Variants in WASF2 observed in about 807,000 individuals in gnomAD.
WASF2 encodes the protein actin-binding protein WASF2.
WASF2 carries 14 observed loss-of-function variants against 45.0 expected under a neutral mutation model. The observed-to-expected ratio is 0.31, with a 90% CI of 0.21 to 0.49. WASF2 has a LOEUF of 0.49. WASF2 is among the 20% of genes least tolerant of loss of function. The pLI, the probability that WASF2 is intolerant of heterozygous loss-of-function variation, is 0.99. For synonymous variants in WASF2, 200 were observed against 236.3 expected (o/e 0.85, Z 1.41); for missense variants, 439 against 636.1 (o/e 0.69, Z 3.33).
At chr1:27,485,819 C>T (rs546300031) in intron 1 of WASF2, among the ~76,000 whole-genome samples, 3 of 152,340 alleles carry the variant, frequency 2.0e-5, no homozygotes, top group African/African-American at 4.8e-5. Flanking sequence ...TCAAGCGATT[C>T]TCCTGCTTCA....
intron 1 of WASF2, 138 bp from the exon 2 acceptor site, chr1:27,429,071 C>CTT: frequency 1.4e-6 from 1 of 728,792 alleles, no homozygotes; most frequent in South Asian, 2.1e-5. Context: ...TTCTCCCTAT[C>CTT]TTTTTTTTTC....
At chr1:27,475,491 T>G (rs1345648608) in intron 1 of WASF2, among the ~76,000 whole-genome samples, 1 of 152,256 alleles carries the variant, frequency 6.6e-6, no homozygotes, top group African/African-American at 2.4e-5. Context: ...ATTTTCATTC[T>G]TCACTTTCAG....
At chr1:27,468,123 G>A (rs2148135691) in intron 1 of WASF2, among the ~76,000 whole-genome samples, 1 of 152,022 alleles carries the variant, frequency 6.6e-6, no homozygotes, top group Non-Finnish European at 1.5e-5. Flanking sequence ...AGTATAGATG[G>A]GGTTTTACCA....
chr1:27,464,949 G>A (rs2017594958), intron 1 of WASF2, among the ~76,000 whole-genome samples: 1 of 152,170 alleles, frequency 6.6e-6, no homozygotes, highest in Non-Finnish European at 1.5e-5. Flanking sequence ...GGCTGGTCTT[G>A]AACTCCTGAC....
intron 8 of WASF2, 66 bp from the exon 9 acceptor site, chr1:27,408,412 G>C: frequency 6.3e-7 from 1 of 1,591,046 alleles, no homozygotes; most frequent in Non-Finnish European, 8.6e-7. Flanking sequence ...TCTGGAACTG[G>C]GTAAGAGGGA....
At chr1:27,489,724 G>A (rs1036046184) in intron 1 of WASF2, among the ~76,000 whole-genome samples, 5 of 152,182 alleles carry the variant, frequency 3.3e-5, no homozygotes, top group Non-Finnish European at 7.4e-5. Flanking sequence ...GGCAGAACCA[G>A]GTCAGGCCGG....
At chr1:27,441,568 A>G (rs2017229677) in intron 1 of WASF2, among the ~76,000 whole-genome samples, 1 of 152,048 alleles carries the variant, frequency 6.6e-6, no homozygotes, top group South Asian at 2.1e-4. Context: ...CCTGGCTAAC[A>G]TGGTGAAACC....
chr1:27,428,915 C>A lies in WASF2; in HGVS notation c.-25G>T. 1 of 1,611,202 alleles carries A rather than the reference C, an allele frequency of 6.2e-7. No homozygotes were observed. On this transcript the variant is annotated 5_prime_UTR_variant, in exon 2 of 9. Coordinates refer to ENST00000618852, the MANE Select transcript of WASF2 (RefSeq NM_006990.5). Reference sequence around the variant, plus strand: ...TGGTGGACCTGCTTCAGGCAATGTTCTGAATGGTGAAAAACAACCTAAAAA... The same window carrying A: ...TGGTGGACCTGCTTCAGGCAATGTTATGAATGGTGAAAAACAACCTAAAAA...
intron 1 of WASF2, among the ~76,000 whole-genome samples, chr1:27,479,549 C>T (rs760609920): frequency 6.6e-6 from 1 of 152,058 alleles, no homozygotes; most frequent in Non-Finnish European, 1.5e-5. Flanking sequence ...CTCTCAGAAC[C>T]AGTTTACTTT....
chr1:27,456,169 A>C (rs2017463617), intron 1 of WASF2, among the ~76,000 whole-genome samples: 1 of 151,998 alleles, frequency 6.6e-6, no homozygotes, highest in Non-Finnish European at 1.5e-5. Flanking sequence ...AAAAATACAA[A>C]AAATTAGCCA....
At chr1:27,419,608 C>G (rs781369274) in intron 2 of WASF2, among the ~76,000 whole-genome samples, 46 of 152,174 alleles carry the variant, frequency 3.0e-4, no homozygotes, top group Admixed American at 9.8e-4. Flanking sequence ...GAGCGAGACT[C>G]CAAATAAAAT....
intron 1 of WASF2, among the ~76,000 whole-genome samples, chr1:27,473,785 T>C (rs1037934305): frequency 5.9e-5 from 9 of 152,150 alleles, no homozygotes; most frequent in Non-Finnish European, 1.0e-4. Context: ...GAAAGATTAA[T>C]AAAAACAAGA....
chr1:27,469,168 T>G (rs1220646548), intron 1 of WASF2, among the ~76,000 whole-genome samples: 1 of 152,126 alleles, frequency 6.6e-6, no homozygotes, highest in African/African-American at 2.4e-5. Flanking sequence ...TTAAATGATA[T>G]GATGTCTGGG....
chr1:27,416,172 A>G, intron 4 of WASF2, 70 bp from the exon 5 acceptor site: 4 of 1,334,812 alleles, frequency 3.0e-6, no homozygotes, highest in Admixed American at 1.7e-5. Flanking sequence ...AATATTCCAA[A>G]CACCTACCAG....
intron 1 of WASF2, among the ~76,000 whole-genome samples, chr1:27,478,812 G>A (rs902494327): frequency 3.3e-5 from 5 of 151,792 alleles, no homozygotes; most frequent in Non-Finnish European, 5.9e-5. Flanking sequence ...TCCAATTCCC[G>A]ACCTCAGGTG....
chr1:27,416,826 A>T (rs1206394651), intron 4 of WASF2, among the ~76,000 whole-genome samples: 2 of 152,258 alleles, frequency 1.3e-5, no homozygotes, highest in Non-Finnish European at 2.9e-5. Flanking sequence ...TATAAGGGCT[A>T]TCTGCCAGAT....
chr1:27,431,699 A>C (rs2017064563), intron 1 of WASF2, among the ~76,000 whole-genome samples: 1 of 152,222 alleles, frequency 6.6e-6, no homozygotes, highest in Admixed American at 6.5e-5. Flanking sequence ...AGATGGCTAC[A>C]TAAATTTCAG....
chr1:27,433,592 G>T (rs1213695405), intron 1 of WASF2, among the ~76,000 whole-genome samples: 1 of 152,182 alleles, frequency 6.6e-6, no homozygotes, highest in African/African-American at 2.4e-5. Context: ...CAGAAGGCTG[G>T]AAGTAAGAAG....
chr1:27,448,367 C>G (rs867127492), intron 1 of WASF2, among the ~76,000 whole-genome samples: 1 of 152,084 alleles, frequency 6.6e-6, no homozygotes, highest in Non-Finnish European at 1.5e-5. Flanking sequence ...TTGACTAGAT[C>G]GTACTCAAAG....
Sources: allele counts gnomAD v4.1 joint callset (sites outside exome capture counted in the v4.1 genomes callset), GRCh38; gene constraint gnomAD v4.1.1; transcripts MANE v1.5; gene names NCBI Gene and HGNC (gene_info 2026-07-23, HGNC 2026-07-21).